Variants in COL28A1 observed in about 807,000 individuals in gnomAD.
COL28A1 encodes collagen alpha-1(XXVIII) chain.
A neutral mutation model predicts 150.2 loss-of-function variants in COL28A1; 161 were observed. The observed-to-expected ratio is 1.07, with a 90% CI of 0.94 to 1.22. The LOEUF (loss-of-function observed/expected upper bound fraction) is 1.22, where lower values mean the gene tolerates loss of function less well. COL28A1 is among the 50% of genes most tolerant of loss of function. COL28A1 has a pLI of 0.00. For missense variants in COL28A1, 1,617 were observed against 1,388.3 expected (o/e 1.16, Z -2.62); for synonymous variants, 552 against 469.7 (o/e 1.18, Z -2.26).
intron 33 of COL28A1, among the ~76,000 whole-genome samples, chr7:7,361,400 C>A (rs1780648335): frequency 6.6e-6 from 1 of 152,124 alleles, no homozygotes; most frequent in East Asian, 1.9e-4. Context: ...GGTTCTAGAT[C>A]CTTGAGGAAT....
rs191114961 is a variant in COL28A1 at position 7,403,895 on chromosome 7, T to C, written c.2136+13964A>G. Reference sequence around the variant, plus strand: ...TGTTTTCCATTCCAGGTCTCAGCTTTTAGACACAAGCCACTAGATAAAAAC... The same window carrying C: ...TGTTTTCCATTCCAGGTCTCAGCTTCTAGACACAAGCCACTAGATAAAAAC... On this transcript the variant is annotated intron_variant, in intron 27 of 34. Coordinates refer to ENST00000399429, the MANE Select transcript of COL28A1 (RefSeq NM_001037763.3). Among the ~76,000 whole-genome samples, 395 of 152,294 alleles carry C rather than the reference T, an allele frequency of 2.6e-3. 1 individual carries two copies. Among genetic ancestry groups the C allele is most frequent in the African/African-American group, 9.0e-3 (373 of 41,566 alleles).
chr7:7,402,376 G>T (rs1783256110), intron 27 of COL28A1, among the ~76,000 whole-genome samples: 1 of 152,140 alleles, frequency 6.6e-6, no homozygotes, highest in Admixed American at 6.6e-5. Context: ...TGTGGTATAT[G>T]GATTCAATCT....
In COL28A1 at chr7:7,498,987, C is replaced by T. The variant is rs74344337; in HGVS notation, c.1026+7027G>A. Among the ~76,000 whole-genome samples, 336 of 152,226 alleles carry T rather than the reference C, an allele frequency of 2.2e-3. 1 individual carries two copies. Among genetic ancestry groups the T allele is most frequent in the African/African-American group, 7.6e-3 (315 of 41,530 alleles). On this transcript the variant is annotated intron_variant, in intron 11 of 34. Transcript: ENST00000399429. ...GCATCAGCTATTTGGGAATAGAAAT[C>T]ATCTACCTTGAAGCTATTGGCTGAC...
intron 15 of COL28A1, among the ~76,000 whole-genome samples, chr7:7,473,564 G>A (rs531672367): frequency 1.1e-4 from 17 of 152,226 alleles, no homozygotes; most frequent in African/African-American, 3.8e-4. Context: ...GCAGTGAACA[G>A]GGAACACTTC....
rs574548990 is a variant in COL28A1 at position 7,410,642 on chromosome 7, C to CT, written c.2136+7216dup. 1.1e-3 allele frequency among the ~76,000 whole-genome samples: 148 copies of CT among 131,030 alleles called. 1 individual carries two copies. Among genetic ancestry groups the CT allele is most frequent in the Middle Eastern group, 8.5e-3 (2 of 236 alleles). The allele number at this position is 131,030 out of a possible 152,430, so 86.0% of individuals were successfully genotyped here. On this transcript the variant is annotated intron_variant, in intron 27 of 34. Coordinates refer to ENST00000399429, the MANE Select transcript of COL28A1 (RefSeq NM_001037763.3). ...TACTACCAAGATTGGTTTTGTCTTCCTTTTTTTTTTTTAAATGCTGTTGTT... is the reference window on the plus strand; with the variant it reads ...TACTACCAAGATTGGTTTTGTCTTCCTTTTTTTTTTTTTAAATGCTGTTGTT...
At chr7:7,455,186 A>G (rs1787045654) in intron 16 of COL28A1, among the ~76,000 whole-genome samples, 1 of 152,218 alleles carries the variant, frequency 6.6e-6, no homozygotes, top group Admixed American at 6.5e-5. Context: ...GAATAATTCA[A>G]ACCTTACTCA....
At chr7:7,401,569 G>T (rs1388144316) in intron 27 of COL28A1, among the ~76,000 whole-genome samples, 1 of 151,916 alleles carries the variant, frequency 6.6e-6, no homozygotes, top group Non-Finnish European at 1.5e-5. Context: ...AGTCATTCAG[G>T]TCAAAAACCT....
upstream of COL28A1, among the ~76,000 whole-genome samples, chr7:7,540,181 T>A (rs1259060718): frequency 6.6e-6 from 1 of 152,240 alleles, no homozygotes; most frequent in Non-Finnish European, 1.5e-5. Flanking sequence ...TTTCTTTAAT[T>A]ATTTTCTTTG....
intron 26 of COL28A1, among the ~76,000 whole-genome samples, 192 bp downstream of exon 26, chr7:7,419,693 G>GTCC (rs1291250704): frequency 6.6e-6 from 1 of 152,228 alleles, no homozygotes; most frequent in African/African-American, 2.4e-5. Flanking sequence ...TTTGGGGGAA[G>GTCC]TGAATGGCTT....
downstream of COL28A1, among the ~76,000 whole-genome samples, chr7:7,352,126 T>C (rs1353263573): frequency 1.3e-5 from 2 of 152,168 alleles, no homozygotes; most frequent in Non-Finnish European, 2.9e-5. Flanking sequence ...GTGGGTTGTT[T>C]TTTGGTTTGT....
At chr7:7,522,032 T>C (rs1781755669) in intron 4 of COL28A1, 71 bp from the exon 5 acceptor site, 1 of 814,338 alleles carries the variant, frequency 1.2e-6, no homozygotes, top group Admixed American at 1.7e-5. Context: ...TCAAATTGTA[T>C]TTCAAATACA....
intron 27 of COL28A1, among the ~76,000 whole-genome samples, chr7:7,408,513 G>T (rs1289749670): frequency 6.6e-6 from 1 of 152,158 alleles, no homozygotes; most frequent in African/African-American, 2.4e-5. Context: ...GCACTAATTT[G>T]TCACAGAGGA....
At chr7:7,486,433 C>A (rs1398697771) in intron 13 of COL28A1, among the ~76,000 whole-genome samples, 1 of 152,130 alleles carries the variant, frequency 6.6e-6, no homozygotes, top group African/African-American at 2.4e-5. Flanking sequence ...CCTTATATTT[C>A]TTTTTCTTGT....
chr7:7,343,922 A>T, the COL28A1 span, among the ~76,000 whole-genome samples: 130,490 of 151,934 alleles, frequency 0.86, 56,221 homozygotes, highest in East Asian at 1. Context: ...GTGGGAGGAT[A>T]GCTTGAGCCC....
chr7:7,430,536 T>C (rs1293191389), intron 25 of COL28A1, among the ~76,000 whole-genome samples: 1 of 152,216 alleles, frequency 6.6e-6, no homozygotes, highest in Non-Finnish European at 1.5e-5. Flanking sequence ...TGTCTAGTTA[T>C]ATAAAAAATT....
downstream of COL28A1, among the ~76,000 whole-genome samples, chr7:7,354,625 TC>T (rs1780307785): frequency 6.6e-6 from 1 of 151,884 alleles, no homozygotes; most frequent in Non-Finnish European, 1.5e-5. Context: ...ACTATTGATT[TC>T]AGCAAGAATC....
At chr7:7,497,486 A>G (rs1780285073) in intron 11 of COL28A1, among the ~76,000 whole-genome samples, 1 of 152,174 alleles carries the variant, frequency 6.6e-6, no homozygotes, top group Non-Finnish European at 1.5e-5. Flanking sequence ...AGAGCCAATA[A>G]AATATAGGAC....
At chr7:7,503,274 T>C (rs1780634486) in intron 11 of COL28A1, among the ~76,000 whole-genome samples, 1 of 151,700 alleles carries the variant, frequency 6.6e-6, no homozygotes, top group Admixed American at 6.6e-5. Flanking sequence ...TCTTTGTGCC[T>C]TAGTAGACTA....
chr7:7,493,365 C>A (rs147769551), intron 11 of COL28A1, among the ~76,000 whole-genome samples: 4 of 152,194 alleles, frequency 2.6e-5, no homozygotes, highest in Admixed American at 2.6e-4. Context: ...TGGTCATTAC[C>A]TTGAAATGTA....
Sources: gnomAD v4.1 joint callset for allele counts (sites outside exome capture counted in the v4.1 genomes callset) on GRCh38, gnomAD v4.1.1 for gene constraint, MANE v1.5 for transcripts, NCBI Gene and HGNC (gene_info 2026-07-23, HGNC 2026-07-21) for gene names.